EZR: variants seen among roughly 807,000 people sequenced by gnomAD.
The protein encoded by EZR is ezrin.
Under a neutral mutation model 74.8 loss-of-function variants are expected in EZR, and 40 were observed. The ratio of observed to expected loss-of-function variants is 0.53; its 90% CI spans 0.42 to 0.70. The LOEUF (loss-of-function observed/expected upper bound fraction) is 0.70, where lower values mean the gene tolerates loss of function less well. Among genes scored for constraint, EZR ranks in the 30% least tolerant of loss-of-function variants. EZR has a pLI of 0.00. For missense variants in EZR, 678 were observed against 755.8 expected, an observed-to-expected ratio of 0.90 and a Z score of 1.21; for synonymous variants, 341 against 283.3, an observed-to-expected ratio of 1.20 and a Z score of -2.05.
intron 2 of EZR, among the ~76,000 whole-genome samples, chr6:158,813,249 T>C (rs1777485668): frequency 6.6e-6 from 1 of 152,194 alleles, no homozygotes; most frequent in Non-Finnish European, 1.5e-5. Flanking sequence ...TCCTCAAGGA[T>C]GCCTTCCTGA....
At chr6:158,780,655 A>G (rs1791411552) in intron 7 of EZR, among the ~76,000 whole-genome samples, 1 of 152,236 alleles carries the variant, frequency 6.6e-6, no homozygotes, top group Non-Finnish European at 1.5e-5. Context: ...AAGGACTTCT[A>G]TGATGAAATC....
chr6:158,766,374 C>G lies in EZR; in HGVS notation c.*540G>C, dbSNP rs1790838809. The G allele has an allele frequency of 6.6e-6, 1 of 152,576 alleles. No homozygotes were observed. Among genetic ancestry groups the G allele is most frequent in the African/African-American group, 2.4e-5 (1 of 41,380 alleles). The allele number at this position is 152,576 out of a possible 1,614,324, so 9.5% of individuals were successfully genotyped here. Reference sequence around the variant, plus strand: ...ACGCTGGTGATCACTGTGCTCTCTGCCAGCTGCGTGGAGTGACGGGAGGAG... The same window carrying G: ...ACGCTGGTGATCACTGTGCTCTCTGGCAGCTGCGTGGAGTGACGGGAGGAG... On this transcript the variant is annotated 3_prime_UTR_variant, in exon 14 of 14. Coordinates refer to ENST00000367075, the MANE Select transcript of EZR (RefSeq NM_001111077.2).
At chr6:158,808,057 G>GTGC (rs1347316933) in intron 2 of EZR, among the ~76,000 whole-genome samples, 3 of 152,202 alleles carry the variant, frequency 2.0e-5, no homozygotes, top group Non-Finnish European at 4.4e-5. Flanking sequence ...CACAAAGTAG[G>GTGC]TGCTCTATTT....
intron 2 of EZR, among the ~76,000 whole-genome samples, chr6:158,799,058 T>G (rs931356916): frequency 6.6e-6 from 1 of 152,220 alleles, no homozygotes; most frequent in Non-Finnish European, 1.5e-5. Context: ...TATTCACGGC[T>G]GCTCACAAAA....
At chr6:158,767,107 C>T (rs1318921064) in intron 13 of EZR, 29 bp from the exon 14 acceptor site, 2 of 1,612,684 alleles carry the variant, frequency 1.2e-6, no homozygotes, top group South Asian at 2.2e-5. Flanking sequence ...TTGGTCTAGT[C>T]CCTTCCTCCC....
rs567548320 is a variant in EZR at position 158,768,198 on chromosome 6, CTGA to C, written c.1345-689_1345-687del. Among the ~76,000 whole-genome samples, 999 of 151,986 alleles carry C rather than the reference CTGA, an allele frequency of 6.6e-3. 3 individuals carry two copies. The highest frequency in any genetic ancestry group is 9.3e-3 in the Non-Finnish European group (631 of 67,986). On this transcript the variant is annotated intron_variant, in intron 12 of 13. Coordinates refer to ENST00000367075, the MANE Select transcript of EZR (RefSeq NM_001111077.2). Reference sequence around the variant, plus strand: ...CTAGTGGGTGGGTTCTGAGCAAGAGCTGATGGTTTCAGTGTTTGGCATTACCCC... The same window carrying C: ...CTAGTGGGTGGGTTCTGAGCAAGAGCTGGTTTCAGTGTTTGGCATTACCCC...
At chr6:158,788,996 A>C (rs531782970) in intron 3 of EZR, among the ~76,000 whole-genome samples, 39 of 151,858 alleles carry the variant, frequency 2.6e-4, no homozygotes, top group African/African-American at 8.7e-4. Context: ...AAGCACAATA[A>C]CTCTCTTTTC....
Position 158,768,987 on chromosome 6 carries a change from T to A in EZR, c.1344+339A>T, listed in dbSNP as rs3102976. On this transcript the variant is annotated intron_variant, in intron 12 of 13. Coordinates refer to ENST00000367075, the MANE Select transcript of EZR (RefSeq NM_001111077.2). ...GCAAGGGGCACATATATAATTAGAT[T>A]TAAAACCAGTTCCTGACCGGGGGCT... Among the ~76,000 whole-genome samples, 12 of 152,050 alleles carry A rather than the reference T, an allele frequency of 7.9e-5. No individual in the cohort carries two copies. The South Asian group carries it at 2.5e-3, about 32-fold the overall frequency.
At chr6:158,787,998 C>T (rs866775873) in intron 3 of EZR, among the ~76,000 whole-genome samples, 1 of 152,210 alleles carries the variant, frequency 6.6e-6, no homozygotes, top group South Asian at 2.1e-4. Flanking sequence ...TGTTGAACAT[C>T]ATCTAAACCG....
Position 158,767,307 on chromosome 6 carries a change from C to T in EZR, c.1550G>A (p.Arg517His), listed in dbSNP as rs1469513132. 13 of 1,614,154 alleles carry T rather than the reference C, an allele frequency of 8.1e-6. No individual in the cohort carries two copies. The highest frequency in any genetic ancestry group is 1.1e-5 in the South Asian group (1 of 91,070). Residue 517 changes from arginine (R) to histidine (H), a missense_variant, in exon 13 of 14, where the codon CGC (arginine) becomes CAC (histidine). Coordinates refer to ENST00000367075, the MANE Select transcript of EZR (RefSeq NM_001111077.2). ...CTCGTTCTTCTCTGCCTCAGTGATG[C>T]GCTTCTCCTCATTGCGGTCATCCCG... ...GIRDDRNEEK[R>H]ITEAEKNERV...
chr6:158,796,133 G>C (rs906839466), intron 2 of EZR, among the ~76,000 whole-genome samples: 2 of 152,156 alleles, frequency 1.3e-5, no homozygotes, highest in African/African-American at 4.8e-5. Context: ...TGACCACTAG[G>C]AGAAAAGTAA....
In EZR at chr6:158,811,116, T is replaced by C. The variant is rs180970077; in HGVS notation, c.12+6966A>G. ...TGTTTGGTTCTGAAAACTACCCAAG[T>C]CTGGAAAAATCTTTTTATGTCAACA... On this transcript the variant is annotated intron_variant, in intron 2 of 13. Transcript: ENST00000367075. 3.9e-5 allele frequency among the ~76,000 whole-genome samples: 6 copies of C among 152,350 alleles called. No homozygotes were observed. In the East Asian group the frequency reaches 1.2e-3, roughly 29 times the overall value.
At chr6:158,818,198 G>T (rs1397354143) in intron 1 of EZR, 32 bp from the exon 2 acceptor site, 1 of 1,248,110 alleles carries the variant, frequency 8.0e-7, no homozygotes, top group Non-Finnish European at 1.1e-6. Context: ...TAGAGCGCCC[G>T]CCCGCCCTGC....
At chr6:158,775,595 C>T (rs1391032594) in intron 8 of EZR, among the ~76,000 whole-genome samples, 1 of 152,182 alleles carries the variant, frequency 6.6e-6, no homozygotes, top group Non-Finnish European at 1.5e-5. Flanking sequence ...AACACAAAGT[C>T]CTTTCCAATC....
chr6:158,788,824 G>T (rs768293710), intron 3 of EZR, among the ~76,000 whole-genome samples: 42 of 151,988 alleles, frequency 2.8e-4, no homozygotes, highest in Non-Finnish European at 4.6e-4. Flanking sequence ...GTTCAGGTAC[G>T]ATCACTTAGA....
At position 158,795,304 on chromosome 6, in the gene EZR, T is replaced by C. The variant is rs7740955; in HGVS notation, c.13-5933A>G. ...AATTCTATTTGTTGGCCAAATATAA[T>C]GGCTCAGGCCTGTAATCGCAGGACT... On this transcript the variant is annotated intron_variant, in intron 2 of 13. Transcript: ENST00000367075. 2.5e-3 allele frequency among the ~76,000 whole-genome samples: 375 copies of C among 152,208 alleles called. 4 individuals are homozygous for C. The highest frequency in any genetic ancestry group is 8.4e-3 in the African/African-American group (348 of 41,540).
chr6:158,784,738 A>G lies in EZR; in HGVS notation c.468-11T>C, dbSNP rs368572056. On this transcript the variant is annotated splice_polypyrimidine_tract_variant and intron_variant, in intron 5 of 13. Coordinates refer to ENST00000367075, the MANE Select transcript of EZR (RefSeq NM_001111077.2). ...TGCTGGTCCATCACTCTGGAATGCA[A>G]AAGGAAACAGCACTGTCATCCTTAA... is the stretch of plus-strand genomic sequence containing the variant. 2.2e-5 allele frequency: 35 copies of G among 1,613,308 alleles called. 1 individual carries two copies. The African/African-American group carries it at 4.0e-4, about 18-fold the overall frequency.
intron 2 of EZR, among the ~76,000 whole-genome samples, chr6:158,805,123 A>T (rs1053571428): frequency 1.6e-4 from 24 of 152,000 alleles, no homozygotes; most frequent in Admixed American, 1.2e-3. Context: ...TGGGTGGATC[A>T]CGAGGTCAGG....
intron 8 of EZR, among the ~76,000 whole-genome samples, chr6:158,775,177 C>T (rs1021032042): frequency 4.6e-5 from 7 of 151,806 alleles, no homozygotes; most frequent in Admixed American, 6.6e-5. Context: ...AGATTACAGG[C>T]GCCCACCACC....
Sources: gnomAD v4.1 joint callset for allele counts (sites outside exome capture counted in the v4.1 genomes callset) on GRCh38, gnomAD v4.1.1 for gene constraint, MANE v1.5 for transcripts, NCBI Gene and HGNC (gene_info 2026-07-23, HGNC 2026-07-21) for gene names.